The following MLLT6 variants were observed in gnomAD, a reference collection of about 807,000 sequenced individuals.
MLLT6 encodes the protein protein AF-17.
In MLLT6, 22 loss-of-function variants were observed where a neutral mutation model predicts 103.0. That is an observed-to-expected ratio of 0.21 (90% CI 0.15 to 0.31). MLLT6 has a LOEUF of 0.31. Ranked by LOEUF, MLLT6 falls within the 10% of genes least tolerant of loss-of-function variation. The pLI is 1.00. For synonymous variants in MLLT6, 606 were observed against 623.5 expected (o/e 0.97, Z 0.42); for missense variants, 1,199 against 1,441.7 (o/e 0.83, Z 2.73).
rs1000480984 is a variant in MLLT6, at chr17:38,725,813, C to T, written c.*215C>T. The T allele has an allele frequency of 1.4e-5, 7 of 510,630 alleles. No individual in the cohort carries two copies. In the East Asian group the frequency reaches 1.4e-4, roughly 10 times the overall value. 31.6% of individuals were successfully genotyped at this position (510,630 alleles called of 1,614,324 possible). On this transcript the variant is annotated 3_prime_UTR_variant, in exon 20 of 20. Transcript: ENST00000621332. ...GGCCCCCTTCCCTTTCCGCACTGTC[C>T]GCTTTGTGAGGCTCAGAGGAAGGAC...
rs1448581754 is a variant in MLLT6 at position 38,720,392 on chromosome 17, C to T, written c.2176C>T (p.Leu726=). Residue 726 remains leucine (L), a synonymous_variant, in exon 15 of 20, where the codon CTG becomes TTG. Transcript: ENST00000621332. ...CGCAGTCGTGGAGATGCTGAAGGCG[C>T]TGCACGCGCTGCAGAAGGAGAACCA... The part of the protein sequence containing the change: ...GVNIVEMLKA[L]HALQKENQRL... 1.2e-6 allele frequency: 2 copies of T among 1,605,716 alleles called. No homozygotes were observed. The highest frequency in any genetic ancestry group is 1.1e-5 in the South Asian group (1 of 90,978).
At position 38,712,773 on chromosome 17, in the gene MLLT6, TC is replaced by T; in HGVS notation, c.807del (p.Thr270LeufsTer39). 6.2e-7 allele frequency: 1 copy of T among 1,613,028 alleles called. No individual in the cohort carries two copies. The highest frequency in any genetic ancestry group is 8.5e-7 in the Non-Finnish European group (1 of 1,179,238). Reference sequence around the variant, plus strand: ...CCCAGCATCCTCACCCCGCCCGTGGTCCCCACTGCTGACAAGGTACTGCTGC... The same window carrying T: ...CCCAGCATCCTCACCCCGCCCGTGGTCCCACTGCTGACAAGGTACTGCTGC... The part of the protein sequence containing the change: ...SPPSILTPPV[V>X]PTADKVSSSA... On this transcript the variant is annotated frameshift_variant, in exon 8 of 20. Transcript: ENST00000621332. LOFTEE classifies it high-confidence loss of function.
Position 38,717,426 on chromosome 17 carries a change from C to A in MLLT6, c.1652-6C>A. Reference sequence around the variant, plus strand: ...CACGTGCTTCCCTCTGTCCTTGTGCCTGCAGGCATCTACACCAGTAATAAG... The same window carrying A: ...CACGTGCTTCCCTCTGTCCTTGTGCATGCAGGCATCTACACCAGTAATAAG... On this transcript the variant is annotated splice_polypyrimidine_tract_variant and splice_region_variant and intron_variant, in intron 10 of 19. Coordinates refer to ENST00000621332, the MANE Select transcript of MLLT6 (RefSeq NM_005937.4). The A allele has an allele frequency of 6.3e-7, 1 of 1,585,228 alleles. No individual in the cohort carries two copies. Among genetic ancestry groups the A allele is most frequent in the Non-Finnish European group, 8.6e-7 (1 of 1,163,392 alleles).
chr17:38,714,903 A>C (rs1905272087), intron 8 of MLLT6: 1 of 152,304 alleles, frequency 6.6e-6, no homozygotes, highest in African/African-American at 2.4e-5. Flanking sequence ...ATTTCAGTGC[A>C]GAGTGGCAGC....
chr17:38,720,310 C>CCCCCCCCCCCCCCCCCCCCCCCCCAG, intron 14 of MLLT6, 62 bp from the exon 15 acceptor site: 1 of 668,642 alleles, frequency 1.5e-6, no homozygotes, highest in Non-Finnish European at 2.6e-6. Context: ...GCCCCGCCCC[C>CCCCCCCCCCCCCCCCCCCCCCCCCAG]GGTCCCCTGG....
chr17:38,720,777 G>T (rs1251533214), intron 16 of MLLT6, 30 bp downstream of exon 16: 1 of 1,599,898 alleles, frequency 6.3e-7, no homozygotes, highest in Non-Finnish European at 8.6e-7. Context: ...GGGCAGGAAG[G>T]AGGGGGAGAC....
chr17:38,718,467 TA>T (rs879448018), intron 12 of MLLT6: 2,729 of 143,364 alleles, frequency 0.019, 58 homozygotes, highest in African/African-American at 0.049. Context: ...ACCTGTCTCT[TA>T]AAAAAAAAAA....
intron 8 of MLLT6, chr17:38,713,151 G>A (rs763525796): frequency 4.7e-5 from 31 of 657,212 alleles, no homozygotes; most frequent in Non-Finnish European, 7.0e-5. Flanking sequence ...CATCCCCTAC[G>A]CCCCATCAGG....
chr17:38,720,819 C>CCTCCAATAGCTGCGGGGA, intron 16 of MLLT6, 72 bp downstream of exon 16: 1 of 1,357,682 alleles, frequency 7.4e-7, no homozygotes, highest in Non-Finnish European at 1.0e-6. Flanking sequence ...CTCTTCCCCG[C>CCTCCAATAGCTGCGGGGA]AGCTATTGGA....
At chr17:38,720,072 C>T (rs1397265504) in intron 14 of MLLT6, among the ~76,000 whole-genome samples, 177 bp downstream of exon 14, 1 of 152,142 alleles carries the variant, frequency 6.6e-6, no homozygotes, top group Non-Finnish European at 1.5e-5. Flanking sequence ...GGCCCTGGTC[C>T]CTCAGCGCCC....
At chr17:38,722,648 T>TGGG in intron 17 of MLLT6, 30 bp from the exon 18 acceptor site, 1 of 441,532 alleles carries the variant, frequency 2.3e-6, no homozygotes, top group Non-Finnish European at 4.1e-6. Flanking sequence ...CTGTGTGTTG[T>TGGG]CCCCCCCCCA....
Position 38,716,761 on chromosome 17 carries a change from G to T in MLLT6, c.1431G>T (p.Gly477=), listed in dbSNP as rs769361737. The stretch of plus-strand genomic sequence containing the variant: ...AAGCCAGCAAGAGGAGCCGCCATGG[G>T]CCAGGCCGTCCCAAGGGCAGCCGGA... ...KHKASKRSRH[G]PGRPKGSRNK... is the part of the protein sequence containing the mutation. The change falls in exon 10 of 20, where the codon GGG becomes GGT. Residue 477 remains glycine (G), a synonymous_variant. Transcript: ENST00000621332. The surrounding 1 kb of genome is among the most constrained non-coding windows in gnomAD (Gnocchi z 5.6). 6.2e-7 allele frequency: 1 copy of T among 1,609,140 alleles called. No homozygotes were observed. The highest frequency in any genetic ancestry group is 1.1e-5 in the South Asian group (1 of 90,408).
At position 38,722,234 on chromosome 17, in the gene MLLT6, G is replaced by A; in HGVS notation, c.2792+7G>A. The A allele has an allele frequency of 7.3e-7, 1 of 1,372,920 alleles. No individual in the cohort carries two copies. Among genetic ancestry groups the A allele is most frequent in the South Asian group, 1.7e-5 (1 of 58,182 alleles). The allele number at this position is 1,372,920 out of a possible 1,614,324, so 85.0% of individuals were successfully genotyped here. On this transcript the variant is annotated splice_region_variant and intron_variant, in intron 17 of 19. Coordinates refer to ENST00000621332, the MANE Select transcript of MLLT6 (RefSeq NM_005937.4). ...TGCCAGGCTGTCTCAACAGGTGAGGGAGAGCTCAGCCCTGGGAAGGGGAAC... is the reference window on the plus strand; with the variant it reads ...TGCCAGGCTGTCTCAACAGGTGAGGAAGAGCTCAGCCCTGGGAAGGGGAAC...
rs1332770121 is a variant in MLLT6 at position 38,716,846 on chromosome 17, T to C, written c.1516T>C (p.Phe506Leu). ...CTTGCCCAGTGCCCAGCTGGCTGGC[T>C]TTACCGCCACTGCTGCCTCACCCTT... is the stretch of plus-strand genomic sequence containing the variant. ...PSLPSAQLAG[F>L]TATAASPFSG... is the part of the protein sequence containing the mutation. The change falls in exon 10 of 20, where the codon TTT becomes CTT. Residue 506 changes from phenylalanine to leucine, a missense_variant. Physicochemically the swap from Phe to Leu is conservative, Grantham distance 22. Around this residue, in one of 7 missense-constraint regions of MLLT6, gnomAD observed 1,034 missense variants for 1,091.5 expected, o/e 0.95. Coordinates refer to ENST00000621332, the MANE Select transcript of MLLT6 (RefSeq NM_005937.4). The surrounding 1 kb of genome is among the most constrained non-coding windows in gnomAD (Gnocchi z 5.6). 1 of 1,613,150 alleles carries C rather than the reference T, an allele frequency of 6.2e-7. No individual in the cohort carries two copies. Among genetic ancestry groups the C allele is most frequent in the Admixed American group, 1.7e-5 (1 of 59,974 alleles).
rs1463946931 is a variant in MLLT6, at chr17:38,725,620, C to T, written c.*22C>T. On this transcript the variant is annotated 3_prime_UTR_variant, in exon 20 of 20. Transcript: ENST00000621332. ...CTAAATCCACCCTTACCCCTCCTGA[C>T]CCCCCCAAGTGGAGGGAACAGATCC... 5 of 1,124,036 alleles carry T rather than the reference C, an allele frequency of 4.4e-6. No homozygotes were observed. The highest frequency in any genetic ancestry group is 3.5e-5 in the South Asian group (2 of 57,366). The allele number at this position is 1,124,036 out of a possible 1,614,324, so 69.6% of individuals were successfully genotyped here.
At position 38,712,679 on chromosome 17, in the gene MLLT6, C is replaced by T. The variant is rs374194513; in HGVS notation, c.721-12C>T. ...CCCCCAGCACAATATCTAGTCACCT[C>T]TCCCTCTCCAGAGTCGAAAGGACAA... On this transcript the variant is annotated splice_polypyrimidine_tract_variant and intron_variant, in intron 7 of 19. Transcript: ENST00000621332. The T allele has an allele frequency of 6.9e-6, 11 of 1,593,724 alleles. No individual in the cohort carries two copies. Among genetic ancestry groups the T allele is most frequent in the African/African-American group, 1.3e-5 (1 of 74,498 alleles).
rs1279314324 is a variant in MLLT6, at chr17:38,719,907, T to C, written c.2155+12T>C. On this transcript the variant is annotated intron_variant, in intron 14 of 19. Transcript: ENST00000621332. The stretch of plus-strand genomic sequence containing the variant: ...GGCCGGCGTCAACAGTGAGGAGGGG[T>C]GGCGCCGGTCGGGACGCCTGCCCTA... 6.4e-7 allele frequency: 1 copy of C among 1,565,126 alleles called. No individual in the cohort carries two copies. Among genetic ancestry groups the C allele is most frequent in the Non-Finnish European group, 8.7e-7 (1 of 1,155,694 alleles).
At chr17:38,715,359 C>T in intron 8 of MLLT6, 1 of 478,318 alleles carries the variant, frequency 2.1e-6, no homozygotes, top group Non-Finnish European at 3.6e-6. Flanking sequence ...TCTTCCCTGC[C>T]TAAGGTGAAA....
intron 16 of MLLT6, among the ~76,000 whole-genome samples, chr17:38,721,624 G>A (rs1905742282): frequency 6.6e-6 from 1 of 152,212 alleles, no homozygotes; most frequent in African/African-American, 2.4e-5. Context: ...TCACCAGATG[G>A]TCACCACCAT....
Sources: gnomAD v4.1 joint callset for allele counts (sites outside exome capture counted in the v4.1 genomes callset) on GRCh38, gnomAD v4.1.1 for gene constraint, gnomAD v4.1.1 regional missense constraint, Gnocchi (gnomAD v3.1) non-coding constraint, MANE v1.5 for transcripts, NCBI Gene and HGNC (gene_info 2026-07-23, HGNC 2026-07-21) for gene names.